MS4A8: variants seen among roughly 807,000 people sequenced by gnomAD.
MS4A8 encodes the protein membrane spanning 4-domains A8.
A neutral mutation model predicts 23.7 loss-of-function variants in MS4A8; 27 were observed. The observed-to-expected ratio is 1.14, with a 90% CI of 0.84 to 1.57. The LOEUF (loss-of-function observed/expected upper bound fraction) is 1.57. Among genes scored for constraint, MS4A8 ranks in the 40% most tolerant of loss-of-function variants. MS4A8 has a pLI of 0.00. For missense variants in MS4A8, 301 were observed against 311.4 expected, an observed-to-expected ratio of 0.97 and a Z score of 0.25; for synonymous variants, 138 against 126.3, an observed-to-expected ratio of 1.09 and a Z score of -0.62.
rs145772357 is a variant in MS4A8, at chr11:60,713,099, C to G, written c.535-1922C>G. Among the ~76,000 whole-genome samples, 1,158 of 152,260 alleles carry G rather than the reference C, an allele frequency of 7.6e-3. 8 individuals carry two copies. Among genetic ancestry groups the G allele is most frequent in the Middle Eastern group, 0.014 (4 of 294 alleles). ...GACTGTTCTTCCCAAGCCAGAGAAA[C>G]AGCCCCAATTCCTGCCCTCCACAAA... On this transcript the variant is annotated intron_variant, in intron 5 of 6. Coordinates refer to ENST00000300226, the MANE Select transcript of MS4A8 (RefSeq NM_031457.2).
At chr11:60,710,878 G>T (rs559183108) in intron 5 of MS4A8, among the ~76,000 whole-genome samples, 3 of 152,150 alleles carry the variant, frequency 2.0e-5, no homozygotes, top group African/African-American at 4.8e-5. Flanking sequence ...GGCCTGGAAT[G>T]TTCCCTCCGA....
At chr11:60,702,620 T>G (rs1247298486) in intron 2 of MS4A8, among the ~76,000 whole-genome samples, 1 of 152,186 alleles carries the variant, frequency 6.6e-6, no homozygotes, top group Non-Finnish European at 1.5e-5. Context: ...CAGGCTGGTC[T>G]TGAACTCCTG....
Position 60,700,968 on chromosome 11 carries a change from T to A in MS4A8, c.108T>A (p.Tyr36Ter). 6.2e-7 allele frequency: 1 copy of A among 1,614,178 alleles called. No homozygotes were observed. Among genetic ancestry groups the A allele is most frequent in the Non-Finnish European group, 8.5e-7 (1 of 1,180,032 alleles). ...GAATTATGTCTCACGTGCCCCTGTA[T>A]CCAAACAGCCAGCCGCAAGTCCACC... ...TPGIMSHVPLYPNSQPQVHLV... is the reference protein window; with the variant it reads ...TPGIMSHVPL Residue 36 changes from tyrosine to a stop codon, truncating the protein, a stop_gained, in exon 2 of 7, where the codon TAT (tyrosine) becomes TAA (stop). Transcript: ENST00000300226. LOFTEE classifies it high-confidence loss of function.
intron 1 of MS4A8, 61 bp from the exon 2 acceptor site, chr11:60,700,799 T>A: frequency 1.9e-6 from 3 of 1,558,536 alleles, no homozygotes; most frequent in Non-Finnish European, 2.7e-6. Context: ...GAAGCAAAAG[T>A]CCTTTTTAAA....
intron 1 of MS4A8, among the ~76,000 whole-genome samples, 169 bp from the exon 2 acceptor site, chr11:60,700,691 T>C (rs1342229961): frequency 6.6e-6 from 1 of 152,220 alleles, no homozygotes; most frequent in Non-Finnish European, 1.5e-5. Flanking sequence ...GAAATGTATT[T>C]GTAAAGCACC....
intron 5 of MS4A8, among the ~76,000 whole-genome samples, chr11:60,713,674 C>T (rs954483316): frequency 1.3e-5 from 2 of 152,114 alleles, no homozygotes; most frequent in Admixed American, 1.3e-4. Flanking sequence ...TGCAAAGAGC[C>T]GTTCCTTCCT....
chr11:60,709,847 C>T (rs961215532), intron 5 of MS4A8, among the ~76,000 whole-genome samples: 1 of 152,236 alleles, frequency 6.6e-6, no homozygotes, highest in Non-Finnish European at 1.5e-5. Flanking sequence ...CCCACCTCCT[C>T]TTCGTTGTAC....
At chr11:60,702,379 G>A (rs2088212446) in intron 2 of MS4A8, among the ~76,000 whole-genome samples, 1 of 152,162 alleles carries the variant, frequency 6.6e-6, no homozygotes, top group African/African-American at 2.4e-5. Context: ...CTGAATTCAT[G>A]TCACTTTCAC....
intron 1 of MS4A8, among the ~76,000 whole-genome samples, chr11:60,700,403 G>T (rs1161287153): frequency 6.6e-6 from 1 of 152,128 alleles, no homozygotes; most frequent in African/African-American, 2.4e-5. Context: ...AAAATTAGCT[G>T]GGTGTGGTGG....
chr11:60,707,954 C>G (rs145210420), intron 4 of MS4A8, among the ~76,000 whole-genome samples: 1 of 151,486 alleles, frequency 6.6e-6, no homozygotes, highest in Admixed American at 6.6e-5. Flanking sequence ...CTCAGCCTCC[C>G]TAGTAGCTGG....
intron 2 of MS4A8, 96 bp downstream of exon 2, chr11:60,701,175 G>A (rs569551714): frequency 3.3e-5 from 39 of 1,175,282 alleles, no homozygotes; most frequent in African/African-American, 7.6e-5. Context: ...ACTACATCCC[G>A]CAAGTGGGGC....
chr11:60,700,716 T>G, intron 1 of MS4A8, 144 bp from the exon 2 acceptor site: 1 of 772,070 alleles, frequency 1.3e-6, no homozygotes, highest in Non-Finnish European at 2.1e-6. Context: ...AAGTGCCCTA[T>G]AACTGATATC....
chr11:60,700,224 G>C (rs574097914), intron 1 of MS4A8, among the ~76,000 whole-genome samples: 1 of 152,334 alleles, frequency 6.6e-6, no homozygotes, highest in East Asian at 1.9e-4. Context: ...CTTTCAGCCA[G>C]TACTAACATA....
At position 60,708,666 on chromosome 11, in the gene MS4A8, G is replaced by T. The variant is rs1395112307; in HGVS notation, c.419G>T (p.Gly140Val). ...YSYCLLSGSL[G>V]LNIVSAICSA... ...CTTCTTCAGCTGTCTGGCAGTTTGG[G>T]CTTGAACATCGTCAGTGCAATCTGC... Residue 140 changes from glycine (G) to valine (V), a missense_variant, in exon 5 of 7, where the codon GGC becomes GTC. Transcript: ENST00000300226. 6.5e-7 allele frequency: 1 copy of T among 1,547,936 alleles called. No homozygotes were observed. Among genetic ancestry groups the T allele is most frequent in the Admixed American group, 2.0e-5 (1 of 50,864 alleles).
At position 60,701,195 on chromosome 11, in the gene MS4A8, C is replaced by T. The variant is rs940880073; in HGVS notation, c.219+116C>T. On this transcript the variant is annotated intron_variant, in intron 2 of 6. Transcript: ENST00000300226. ...ATCCCGCAAGTGGGGCTGAGTTGAT[C>T]GCGCCTTGCCAAGCACAGGTCTATT... is the stretch of plus-strand genomic sequence containing the variant. 4.6e-5 allele frequency: 45 copies of T among 977,062 alleles called. No homozygotes were observed. In the East Asian group the frequency reaches 1.0e-3, roughly 22 times the overall value. The allele number at this position is 977,062 out of a possible 1,614,324, so 60.5% of individuals were successfully genotyped here. A position where few individuals can be genotyped will look rare whatever the true frequency, so the allele number is the denominator to read the frequency against.
At chr11:60,706,854 C>T (rs2088259888) in intron 3 of MS4A8, 134 bp from the exon 4 acceptor site, 1 of 750,896 alleles carries the variant, frequency 1.3e-6, no homozygotes, top group African/African-American at 1.7e-5. Flanking sequence ...CAAAACAGCT[C>T]ATTTTTTCTG....
intron 1 of MS4A8, among the ~76,000 whole-genome samples, chr11:60,700,039 G>A (rs1334335240): frequency 6.6e-6 from 1 of 152,238 alleles, no homozygotes; most frequent in African/African-American, 2.4e-5. Context: ...CCAATGAACA[G>A]ACACTGCCTT....
At chr11:60,709,547 A>G (rs1019491081) in intron 5 of MS4A8, among the ~76,000 whole-genome samples, 18 of 152,248 alleles carry the variant, frequency 1.2e-4, no homozygotes, top group African/African-American at 4.3e-4. Context: ...TCCAGTTTAT[A>G]TTTTGTGCTA....
chr11:60,699,847 G>C (rs139961696), intron 1 of MS4A8, 72 bp downstream of exon 1: 201 of 152,360 alleles, frequency 1.3e-3, no homozygotes, highest in African/African-American at 4.5e-3. Flanking sequence ...TGAGACTTAC[G>C]GCGAACCAGT....
Sources: allele counts gnomAD v4.1 joint callset (sites outside exome capture counted in the v4.1 genomes callset), GRCh38; gene constraint gnomAD v4.1.1; transcripts MANE v1.5; gene names NCBI Gene and HGNC (gene_info 2026-07-23, HGNC 2026-07-21).